The following TMEM117 variants were observed in gnomAD, a reference collection of about 807,000 sequenced individuals.
TMEM117 encodes transmembrane protein 117.
A neutral mutation model predicts 52.4 loss-of-function variants in TMEM117; 27 were observed. The observed-to-expected ratio is 0.51, with a 90% CI of 0.38 to 0.71. The LOEUF is 0.71. Ranked by LOEUF, TMEM117 falls within the 30% of genes least tolerant of loss-of-function variation. The pLI is 0.00. For synonymous variants in TMEM117, 215 were observed against 206.3 expected, an observed-to-expected ratio of 1.04 and a Z score of -0.36; for missense variants, 556 against 630.5, an observed-to-expected ratio of 0.88 and a Z score of 1.26.
rs546484025 is a variant in TMEM117, at chr12:43,894,435, G to A, written c.277+49507G>A. Among the ~76,000 whole-genome samples the A allele has an allele frequency of 4.6e-5, 7 of 151,968 alleles. No homozygotes were observed. In the South Asian group the frequency reaches 1.5e-3, roughly 32 times the overall value. On this transcript the variant is annotated intron_variant, in intron 2 of 7. Coordinates refer to ENST00000266534, the MANE Select transcript of TMEM117 (RefSeq NM_032256.3). ...AAGTTTGGGGGTACATATGCAGGAT[G>A]TGCATGTTTGTTACATAGGTAAACA...
intron 4 of TMEM117, among the ~76,000 whole-genome samples, chr12:44,163,715 T>G (rs1203297626): frequency 2.0e-5 from 3 of 152,194 alleles, no homozygotes; most frequent in African/African-American, 7.2e-5. Flanking sequence ...ATCACCAAAA[T>G]GTACTAATTT....
At chr12:44,243,197 C>T (rs1167168477) in intron 5 of TMEM117, among the ~76,000 whole-genome samples, 1 of 151,936 alleles carries the variant, frequency 6.6e-6, no homozygotes, top group South Asian at 2.1e-4. Context: ...TCCTCCTGTT[C>T]TGTAGGTTGC....
Position 44,388,198 on chromosome 12 carries a change from A to G in TMEM117, c.1071A>G (p.Leu357=). 1 of 1,613,436 alleles carries G rather than the reference A, an allele frequency of 6.2e-7. No individual in the cohort carries two copies. Among genetic ancestry groups the G allele is most frequent in the East Asian group, 2.2e-5 (1 of 44,838 alleles). ...TAAAAGATTTGAACAGAACCAAGCT[A>G]TCCTGGGAATGGAGGTCCAATCACA... is the stretch of plus-strand genomic sequence containing the variant. ...ESLKDLNRTK[L]SWEWRSNHTN... is the part of the protein sequence containing the mutation. Residue 357 remains leucine, a synonymous_variant, in exon 8 of 8, where the codon CTA becomes CTG. Coordinates refer to ENST00000266534, the MANE Select transcript of TMEM117 (RefSeq NM_032256.3).
chr12:44,246,623 A>T (rs1404444153), intron 5 of TMEM117, among the ~76,000 whole-genome samples: 1 of 152,086 alleles, frequency 6.6e-6, no homozygotes, highest in Non-Finnish European at 1.5e-5. Flanking sequence ...TTTTTCTTTT[A>T]ATATATACAC....
intron 5 of TMEM117, among the ~76,000 whole-genome samples, chr12:44,242,766 T>C (rs1950079352): frequency 6.7e-6 from 1 of 149,666 alleles, no homozygotes; most frequent in Non-Finnish European, 1.5e-5. Flanking sequence ...TTATATTCTA[T>C]ATTCTGTATT....
intron 3 of TMEM117, among the ~76,000 whole-genome samples, chr12:43,992,071 G>T (rs1436143208): frequency 6.6e-6 from 1 of 151,986 alleles, no homozygotes; most frequent in East Asian, 2.0e-4. Flanking sequence ...GCTGAGGTGG[G>T]AGGATCACTT....
chr12:44,028,973 G>C, intron 3 of TMEM117, among the ~76,000 whole-genome samples: 1 of 152,122 alleles, frequency 6.6e-6, no homozygotes, highest in East Asian at 1.9e-4. Context: ...CTTCTTTCTG[G>C]AGAACCCTGA....
intron 4 of TMEM117, among the ~76,000 whole-genome samples, chr12:44,193,179 A>C (rs1446981160): frequency 1.3e-5 from 2 of 152,324 alleles, no homozygotes; most frequent in East Asian, 3.9e-4. Context: ...TGTGTTCTAC[A>C]GTGCTAAAAT....
At chr12:43,806,181 C>T in the TMEM117 span, 1 of 1,538,800 alleles carries the variant, frequency 6.5e-7, no homozygotes. Context: ...CCGGCTCTCC[C>T]GGAAGCCCCT....
chr12:44,302,892 A>G (rs551251645), intron 6 of TMEM117, among the ~76,000 whole-genome samples: 32 of 152,338 alleles, frequency 2.1e-4, no homozygotes, highest in Admixed American at 5.9e-4. Context: ...TTCATCCCAT[A>G]TTTACATATT....
At position 44,163,875 on chromosome 12, in the gene TMEM117, A is replaced by T. The variant is rs7959780; in HGVS notation, c.510+20251A>T. On this transcript the variant is annotated intron_variant, in intron 4 of 7. Coordinates refer to ENST00000266534, the MANE Select transcript of TMEM117 (RefSeq NM_032256.3). ...CATTTAGAGATTATTGAAGCCACTC[A>T]TCATAATATGTCAGGTCAACTGGAT... Among the ~76,000 whole-genome samples the T allele has an allele frequency of 8.2e-3, 1,248 of 152,316 alleles. 13 individuals carry two copies. The highest frequency in any genetic ancestry group is 0.029 in the African/African-American group (1,189 of 41,572).
At chr12:44,216,925 T>C (rs1422680136) in intron 5 of TMEM117, among the ~76,000 whole-genome samples, 1 of 152,182 alleles carries the variant, frequency 6.6e-6, no homozygotes, top group Non-Finnish European at 1.5e-5. Context: ...ATGGGGTATC[T>C]CTTAATCATA....
chr12:44,388,741 C>T lies in TMEM117; in HGVS notation c.*69C>T. 8 of 1,534,644 alleles carry T rather than the reference C, an allele frequency of 5.2e-6. No homozygotes were observed. The highest frequency in any genetic ancestry group is 7.1e-6 in the Non-Finnish European group (8 of 1,134,094). ...TGTAACTTTAAAAATTTAGTCTTTC[C>T]TTTTGTATATGTAAGGTTTACGTAG... On this transcript the variant is annotated 3_prime_UTR_variant, in exon 8 of 8. Coordinates refer to ENST00000266534, the MANE Select transcript of TMEM117 (RefSeq NM_032256.3).
intron 2 of TMEM117, 154 bp downstream of exon 2, chr12:43,845,082 A>G (rs1943179315): frequency 2.6e-6 from 2 of 773,036 alleles, no homozygotes; most frequent in South Asian, 2.0e-5. Flanking sequence ...TGGGTTCTTC[A>G]ACTACTCTCT....
chr12:44,140,514 C>T (rs1351768616), intron 3 of TMEM117, among the ~76,000 whole-genome samples: 1 of 152,030 alleles, frequency 6.6e-6, no homozygotes, highest in Non-Finnish European at 1.5e-5. Context: ...AGTTTTTTCT[C>T]TTGGTTTTCA....
At chr12:44,291,476 G>A (rs1049587445) in intron 5 of TMEM117, among the ~76,000 whole-genome samples, 2 of 147,958 alleles carry the variant, frequency 1.4e-5, no homozygotes, top group African/African-American at 5.0e-5. Context: ...TTCTGATTTG[G>A]ATATCTTTTA....
At chr12:44,202,682 CT>C (rs1351447475) in intron 4 of TMEM117, among the ~76,000 whole-genome samples, 1 of 152,088 alleles carries the variant, frequency 6.6e-6, no homozygotes, top group Admixed American at 6.6e-5. Context: ...AGATATTCCT[CT>C]TCCTTGATTT....
chr12:44,229,914 A>G (rs1013730593), intron 5 of TMEM117, among the ~76,000 whole-genome samples: 6 of 152,162 alleles, frequency 3.9e-5, no homozygotes, highest in African/African-American at 1.4e-4. Flanking sequence ...GCTTATAAAA[A>G]TAACATAAAC....
intron 3 of TMEM117, among the ~76,000 whole-genome samples, chr12:44,028,471 A>T (rs1464297390): frequency 6.6e-6 from 1 of 152,206 alleles, no homozygotes; most frequent in African/African-American, 2.4e-5. Context: ...AGCACAAAAT[A>T]CAGGTCATAA....
Sources: allele counts gnomAD v4.1 joint callset (sites outside exome capture counted in the v4.1 genomes callset), GRCh38; gene constraint gnomAD v4.1.1; transcripts MANE v1.5; gene names NCBI Gene and HGNC (gene_info 2026-07-23, HGNC 2026-07-21).